Variants in EPB41L3 observed in about 807,000 individuals in gnomAD.
EPB41L3 encodes erythrocyte membrane protein band 4.1 like 3, also known as band 4.1-like protein 3.
EPB41L3 carries 57 observed loss-of-function variants against 127.1 expected under a neutral mutation model. That is an observed-to-expected ratio of 0.45 (90% CI 0.36 to 0.56). The LOEUF (loss-of-function observed/expected upper bound fraction) is 0.56, where lower values mean the gene tolerates loss of function less well. Ranked by LOEUF, EPB41L3 falls within the 20% of genes least tolerant of loss-of-function variation. The probability of loss-of-function intolerance (pLI) is 0.00; values close to 1 mark genes in which losing one functional copy is unlikely to be tolerated. For missense variants in EPB41L3, 1,273 were observed against 1,372.2 expected (o/e 0.93, Z 1.14); for synonymous variants, 572 against 549.5 (o/e 1.04, Z -0.57).
intron 3 of EPB41L3, among the ~76,000 whole-genome samples, chr18:5,469,446 CAT>C (rs879311871): frequency 0.3 from 46,190 of 152,170 alleles, 7,679 homozygotes; most frequent in East Asian, 0.47. Context: ...TAGCAGCCAG[CAT>C]GCCTGGCTGT....
chr18:5,474,686 C>G (rs566331585), intron 3 of EPB41L3, among the ~76,000 whole-genome samples: 1 of 152,262 alleles, frequency 6.6e-6, no homozygotes, highest in South Asian at 2.1e-4. Context: ...TTATCATCGC[C>G]TTCATTCTTA....
At chr18:5,586,386 TTTTC>T (rs907438218) in intron 3 of EPB41L3, among the ~76,000 whole-genome samples, 1 of 132,288 alleles carries the variant, frequency 7.6e-6, no homozygotes, top group Non-Finnish European at 1.6e-5. Context: ...TATACTGTGA[TTTTC>T]TTTTTCTTTT....
chr18:5,569,408 A>G (rs1282400623), intron 3 of EPB41L3, among the ~76,000 whole-genome samples: 2 of 152,216 alleles, frequency 1.3e-5, no homozygotes, highest in Non-Finnish European at 2.9e-5. Context: ...ATTAGATTAA[A>G]ATGTTGCTGA....
intron 16 of EPB41L3, chr18:5,398,846 C>A (rs1342811480): frequency 5.0e-6 from 2 of 399,340 alleles, no homozygotes; most frequent in Non-Finnish European, 8.8e-6. Flanking sequence ...CGGCCACATC[C>A]TTCTCCAGCT....
intron 3 of EPB41L3, among the ~76,000 whole-genome samples, chr18:5,465,739 T>C (rs1403219174): frequency 2.6e-5 from 4 of 152,190 alleles, no homozygotes; most frequent in African/African-American, 7.2e-5. Flanking sequence ...TGGGGATGAA[T>C]AGTTGATGTG....
At chr18:5,533,076 C>G (rs147901879) in intron 1 of EPB41L3, among the ~76,000 whole-genome samples, 113 of 152,054 alleles carry the variant, frequency 7.4e-4, no homozygotes, top group African/African-American at 2.6e-3. Flanking sequence ...CATGTCTTGT[C>G]TTAATGTGAA....
At chr18:5,401,057 G>C in intron 16 of EPB41L3, 1 of 1,523,674 alleles carries the variant, frequency 6.6e-7, no homozygotes, top group Non-Finnish European at 8.8e-7. Context: ...TTTGAATAAA[G>C]GGGGTTGGGT....
chr18:5,569,581 G>A (rs972769260), intron 3 of EPB41L3, among the ~76,000 whole-genome samples: 1 of 152,140 alleles, frequency 6.6e-6, no homozygotes, highest in Admixed American at 6.5e-5. Flanking sequence ...TGCCCTGTTG[G>A]TAACACGCTG....
intron 1 of EPB41L3, among the ~76,000 whole-genome samples, chr18:5,506,622 C>T (rs1345115843): frequency 6.6e-6 from 1 of 152,148 alleles, no homozygotes; most frequent in East Asian, 1.9e-4. Context: ...TGTCTCCTCC[C>T]ATCAGAGGCT....
chr18:5,530,082 T>C (rs2093362724), intron 1 of EPB41L3, among the ~76,000 whole-genome samples: 1 of 152,226 alleles, frequency 6.6e-6, no homozygotes, highest in South Asian at 2.1e-4. Context: ...TTTTTCTCCA[T>C]CTCTTCTACC....
At chr18:5,544,005 G>A, upstream of EPB41L3, 1 of 985,558 alleles carries the variant, frequency 1.0e-6, no homozygotes, top group Non-Finnish European at 1.2e-6. Flanking sequence ...CTCGGGCGTG[G>A]GGAGGAAGCC....
chr18:5,494,661 TCC>T (rs1411715577), intron 1 of EPB41L3, among the ~76,000 whole-genome samples: 1 of 76,350 alleles, frequency 1.3e-5, no homozygotes, highest in East Asian at 4.5e-4. Flanking sequence ...CCATCCACCC[TCC>T]CCCCACCCAA....
In EPB41L3 at chr18:5,410,627, C is replaced by T; in HGVS notation, c.2068-8G>A. On this transcript the variant is annotated splice_region_variant and splice_polypyrimidine_tract_variant and intron_variant, in intron 13 of 22. Transcript: ENST00000341928. ...CGTGCGCTCACTGTCAGTCTGTTGA[C>T]CACAGAAGTGATCAGGTTCCAGGAG... 1 of 1,611,774 alleles carries T rather than the reference C, an allele frequency of 6.2e-7. No homozygotes were observed. The highest frequency in any genetic ancestry group is 1.1e-5 in the South Asian group (1 of 90,648).
At chr18:5,586,525 G>A (rs986606987) in intron 3 of EPB41L3, among the ~76,000 whole-genome samples, 3 of 149,528 alleles carry the variant, frequency 2.0e-5, no homozygotes, top group Non-Finnish European at 4.4e-5. Flanking sequence ...TTAGCCTCCC[G>A]AGTAGCTGGG....
chr18:5,485,255 T>A (rs186638516), intron 2 of EPB41L3, among the ~76,000 whole-genome samples: 1 of 152,194 alleles, frequency 6.6e-6, no homozygotes. Flanking sequence ...ACCATATGAT[T>A]ATTTCAATAG....
intron 11 of EPB41L3, 123 bp downstream of exon 11, chr18:5,423,255 A>G (rs2077706003): frequency 1.9e-6 from 2 of 1,040,988 alleles, no homozygotes. Flanking sequence ...TCAGTCAATA[A>G]GCAACAACTG....
chr18:5,407,838 T>C, intron 14 of EPB41L3, 102 bp from the exon 15 acceptor site: 1 of 1,064,726 alleles, frequency 9.4e-7, no homozygotes, highest in South Asian at 1.3e-5. Flanking sequence ...TGGGCACGTG[T>C]ACGCTCTTGC....
intron 1 of EPB41L3, among the ~76,000 whole-genome samples, chr18:5,516,925 A>T (rs2092773924): frequency 6.6e-6 from 1 of 152,190 alleles, no homozygotes. Context: ...ATTATAAATC[A>T]CAGTTAAGTT....
chr18:5,443,398 A>G (rs550685461), intron 5 of EPB41L3, among the ~76,000 whole-genome samples: 31 of 152,340 alleles, frequency 2.0e-4, no homozygotes, highest in Non-Finnish European at 3.7e-4. Context: ...GTCCATTAAA[A>G]TACGTATTTT....
Sources: gnomAD v4.1 joint callset for allele counts (sites outside exome capture counted in the v4.1 genomes callset) on GRCh38, gnomAD v4.1.1 for gene constraint, MANE v1.5 for transcripts, NCBI Gene and HGNC (gene_info 2026-07-23, HGNC 2026-07-21) for gene names.